MUC17: variants seen among roughly 807,000 people sequenced by gnomAD.
The protein encoded by MUC17 is mucin 17, cell surface associated.
In MUC17, 190 loss-of-function variants were observed where a neutral mutation model predicts 170.3. That is an observed-to-expected ratio of 1.12 (90% CI 0.99 to 1.26). MUC17 has a LOEUF of 1.26. Among genes scored for constraint, MUC17 ranks in the 50% most tolerant of loss-of-function variants. MUC17 has a pLI of 0.00. For synonymous variants in MUC17, 2,325 were observed against 2,002.5 expected, an observed-to-expected ratio of 1.16 and a Z score of -4.30; for missense variants, 6,415 against 5,530.0, an observed-to-expected ratio of 1.16 and a Z score of -5.08.
chr7:101,034,476 C>A lies in MUC17; in HGVS notation c.3060C>A (p.Ala1020=). 1 of 1,612,276 alleles carries A rather than the reference C, an allele frequency of 6.2e-7. No individual in the cohort carries two copies. The highest frequency in any genetic ancestry group is 8.5e-7 in the Non-Finnish European group (1 of 1,179,308). ...CTCCTTTGACCACTTCTACTGAAGC[C>A]AGTTCACCTCCTCCCACTGCTGAAG... ...SNTPLTTSTE[A]SSPPPTAEGT... The change falls in exon 3 of 13, where the codon GCC becomes GCA. Residue 1020 remains alanine (A), a synonymous_variant. Transcript: ENST00000306151.
rs768744520 is a variant in MUC17 at position 101,031,666 on chromosome 7, A to G, written c.250A>G (p.Ser84Gly). The change falls in exon 3 of 13, where the codon AGT becomes GGT. Residue 84 changes from serine to glycine, a missense_variant. By Grantham distance (56) the Ser-to-Gly change is moderately conservative. Transcript: ENST00000306151. ...TGTCGTGGAGCCAAGAATGTATTTG[A>G]GTTGCAGCACCAACCCTGAGATGAC... ...TNVVEPRMYL[S>G]CSTNPEMTSI... 6.3e-6 allele frequency: 10 copies of G among 1,582,558 alleles called. No individual in the cohort carries two copies. In the South Asian group the frequency reaches 1.2e-4, roughly 18 times the overall value.
chr7:101,023,750 A>G (rs1794134363), intron 1 of MUC17, among the ~76,000 whole-genome samples: 1 of 152,172 alleles, frequency 6.6e-6, no homozygotes, highest in African/African-American at 2.4e-5. Flanking sequence ...CAGTAGTGGG[A>G]TTGCAGGATC....
chr7:101,036,259 A>T lies in MUC17; in HGVS notation c.4843A>T (p.Thr1615Ser). The change falls in exon 3 of 13, where the codon ACC becomes TCC. Residue 1615 changes from threonine (T) to serine (S), a missense_variant. Transcript: ENST00000306151. Reference sequence around the variant, plus strand: ...TTCTACTGAAGCCAGTTCATCTACAACCGCTGAAGGTAGCAGCATGACAAT... The same window carrying T: ...TTCTACTGAAGCCAGTTCATCTACATCCGCTGAAGGTAGCAGCATGACAAT... ...TASTEASSST[T>S]AEGSSMTIST... 1 of 1,613,560 alleles carries T rather than the reference A, an allele frequency of 6.2e-7. No individual in the cohort carries two copies. The highest frequency in any genetic ancestry group is 8.5e-7 in the Non-Finnish European group (1 of 1,179,898).
In MUC17 at chr7:101,023,179, G is replaced by C. The variant is rs1584853922; in HGVS notation, c.82+2962G>C. ...TCCATCTTTACTTCATCTCGCTGTG[G>C]GTGTGTCTGTCTCTGTGTTGGGTTA... On this transcript the variant is annotated intron_variant, in intron 1 of 12. Transcript: ENST00000306151. Among the ~76,000 whole-genome samples, 4 of 152,062 alleles carry C rather than the reference G, an allele frequency of 2.6e-5. No individual in the cohort carries two copies. The East Asian group carries it at 5.8e-4, about 22-fold the overall frequency.
intron 11 of MUC17, among the ~76,000 whole-genome samples, chr7:101,054,247 G>T (rs1487036979): frequency 1.3e-5 from 2 of 152,070 alleles, no homozygotes; most frequent in African/African-American, 4.8e-5. Context: ...CTGAACCACT[G>T]GGGAGACACA....
In MUC17 at chr7:101,031,981, A is replaced by G; in HGVS notation, c.565A>G (p.Thr189Ala). 6.2e-7 allele frequency: 1 copy of G among 1,614,142 alleles called. No homozygotes were observed. The highest frequency in any genetic ancestry group is 8.5e-7 in the Non-Finnish European group (1 of 1,180,040). The change falls in exon 3 of 13, where the codon ACC (threonine) becomes GCC (alanine). Residue 189 changes from threonine (T) to alanine (A), a missense_variant. Transcript: ENST00000306151. Reference protein sequence around the residue: ...TYKVDMSTPLTTSTQASSSPT... With the variant: ...TYKVDMSTPLATSTQASSSPT... ...TAAGGTTGATATGAGCACACCTCTG[A>G]CCACTTCTACTCAGGCAAGTTCATC...
Position 101,033,390 on chromosome 7 carries a change from T to C in MUC17, c.1974T>C (p.Thr658=). The C allele has an allele frequency of 6.3e-7, 1 of 1,594,352 alleles. No homozygotes were observed. ...CAACAACTCCTGTTGACTCCAACAC[T>C]CCTGTGACCACTTCAACTGAAGCCA... is the stretch of plus-strand genomic sequence containing the variant. The part of the protein sequence containing the change: ...TLSTTPVDSN[T]PVTTSTEATS... Residue 658 remains threonine (T), a synonymous_variant, in exon 3 of 13, where the codon ACT becomes ACC. Coordinates refer to ENST00000306151, the MANE Select transcript of MUC17 (RefSeq NM_001040105.2).
In MUC17 at chr7:101,039,653, C is replaced by G; in HGVS notation, c.8237C>G (p.Pro2746Arg). The G allele has an allele frequency of 1.2e-6, 2 of 1,612,938 alleles. No homozygotes were observed. The highest frequency in any genetic ancestry group is 1.1e-5 in the South Asian group (1 of 91,022). ...AEGTSMRIST[P>R]SDGSTPLTSI... ...GGTACCAGCATGCGAATCTCAACTC[C>G]TAGTGATGGAAGTACTCCATTAACA... The change falls in exon 3 of 13, where the codon CCT becomes CGT. Residue 2746 changes from proline (P) to arginine (R), a missense_variant. Transcript: ENST00000306151.
At position 101,040,886 on chromosome 7, in the gene MUC17, C is replaced by T. The variant is rs747931537; in HGVS notation, c.9470C>T (p.Ser3157Leu). The change falls in exon 3 of 13, where the codon TCA (serine) becomes TTA (leucine). Residue 3157 changes from serine (S) to leucine (L), a missense_variant. By Grantham distance (145) the Ser-to-Leu change is moderately radical. Coordinates refer to ENST00000306151, the MANE Select transcript of MUC17 (RefSeq NM_001040105.2). ...TTSEGTSMPT[S>L]TPSEGSTPLT... ...TCTGAAGGTACCAGCATGCCAACCT[C>T]AACTCCTAGTGAAGGAAGTACTCCA... 5.6e-6 allele frequency: 9 copies of T among 1,613,764 alleles called. No individual in the cohort carries two copies. In the African/African-American group the frequency reaches 1.2e-4, roughly 22 times the overall value.
intron 2 of MUC17, 103 bp from the exon 3 acceptor site, chr7:101,031,498 T>C (rs1362784503): frequency 7.2e-6 from 9 of 1,257,520 alleles, no homozygotes; most frequent in East Asian, 5.0e-5. Flanking sequence ...ATGACATCCC[T>C]TATCTGAACA....
Position 101,038,571 on chromosome 7 carries a change from T to G in MUC17, c.7155T>G (p.Thr2385=), listed in dbSNP as rs781658097. The G allele has an allele frequency of 6.2e-7, 1 of 1,610,204 alleles. No homozygotes were observed. The highest frequency in any genetic ancestry group is 8.5e-7 in the Non-Finnish European group (1 of 1,178,818). Residue 2385 remains threonine, a synonymous_variant, in exon 3 of 13, where the codon ACT becomes ACG. Transcript: ENST00000306151. ...AGSSPTTADD[T]SMPTSTYSEG... ...CATCTCCTACAACTGCTGACGATAC[T>G]AGCATGCCAACCTCAACTTATAGTG... is the stretch of plus-strand genomic sequence containing the variant.
chr7:101,026,395 A>T (rs1451498102), intron 1 of MUC17, among the ~76,000 whole-genome samples: 2 of 151,718 alleles, frequency 1.3e-5, no homozygotes, highest in African/African-American at 4.8e-5. Flanking sequence ...TGGCCTTGTC[A>T]CTCCATCCCT....
Position 101,032,417 on chromosome 7 carries a change from C to T in MUC17, c.1001C>T (p.Thr334Ile), listed in dbSNP as rs761589035. 1.3e-5 allele frequency: 21 copies of T among 1,613,708 alleles called. No individual in the cohort carries two copies. Among genetic ancestry groups the T allele is most frequent in the South Asian group, 1.2e-4 (11 of 91,048 alleles). Residue 334 changes from threonine to isoleucine, a missense_variant, in exon 3 of 13, where the codon ACT becomes ATT. Thr to Ile is a moderately conservative substitution (Grantham distance 89). Coordinates refer to ENST00000306151, the MANE Select transcript of MUC17 (RefSeq NM_001040105.2). ...IPTSTYTEGS[T>I]PLTSTPASTM... Reference sequence around the variant, plus strand: ...ACCTCAACTTATACTGAAGGAAGCACTCCATTAACAAGTACGCCTGCCAGC... The same window carrying T: ...ACCTCAACTTATACTGAAGGAAGCATTCCATTAACAAGTACGCCTGCCAGC...
rs1584860477 is a variant in MUC17, at chr7:101,033,951, A to C, written c.2535A>C (p.Ser845=). 3 of 1,612,000 alleles carry C rather than the reference A, an allele frequency of 1.9e-6. No individual in the cohort carries two copies. Among genetic ancestry groups the C allele is most frequent in the Non-Finnish European group, 2.5e-6 (3 of 1,179,176 alleles). The change falls in exon 3 of 13, where the codon TCA becomes TCC. Residue 845 remains serine (S), a synonymous_variant. Coordinates refer to ENST00000306151, the MANE Select transcript of MUC17 (RefSeq NM_001040105.2). ...TGACCACTTCTACTGAAGTCAGTTC[A>C]TCTCCTACACCTGCTGAAGGTACCA... is the stretch of plus-strand genomic sequence containing the variant. ...SPVTTSTEVS[S]SPTPAEGTSM... is the part of the protein sequence containing the mutation.
At position 101,032,441 on chromosome 7, in the gene MUC17, G is replaced by A. The variant is rs1164758470; in HGVS notation, c.1025G>A (p.Ser342Asn). 1.2e-6 allele frequency: 2 copies of A among 1,613,822 alleles called. No homozygotes were observed. The highest frequency in any genetic ancestry group is 2.2e-5 in the East Asian group (1 of 44,878). ...ACTCCATTAACAAGTACGCCTGCCAGCACCATGCCGGTTGCCACTTCTGAA... is the reference window on the plus strand; with the variant it reads ...ACTCCATTAACAAGTACGCCTGCCAACACCATGCCGGTTGCCACTTCTGAA... Reference protein sequence around the residue: ...GSTPLTSTPASTMPVATSEMS... With the variant: ...GSTPLTSTPANTMPVATSEMS... The change falls in exon 3 of 13, where the codon AGC (serine) becomes AAC (asparagine). Residue 342 changes from serine to asparagine, a missense_variant. Coordinates refer to ENST00000306151, the MANE Select transcript of MUC17 (RefSeq NM_001040105.2).
At chr7:101,051,547 C>G in intron 7 of MUC17, 66 bp from the exon 8 acceptor site, 1 of 1,536,704 alleles carries the variant, frequency 6.5e-7, no homozygotes, top group South Asian at 1.2e-5. Context: ...ACACACGTCT[C>G]AGCTCCCTGA....
At position 101,032,664 on chromosome 7, in the gene MUC17, T is replaced by G. The variant is rs780971561; in HGVS notation, c.1248T>G (p.Ile416Met). ...ASSEASTTST[I>M]PVDSKTFVTT... ...CTGAGGCTAGCACCACTTCAACAAT[T>G]CCTGTTGACTCCAAAACTTTTGTGA... The change falls in exon 3 of 13, where the codon ATT (isoleucine) becomes ATG (methionine). Residue 416 changes from isoleucine (I) to methionine (M), a missense_variant. Physicochemically the swap from Ile to Met is conservative, Grantham distance 10. Transcript: ENST00000306151. The G allele has an allele frequency of 2.7e-5, 43 of 1,573,966 alleles. No homozygotes were observed. Among genetic ancestry groups the G allele is most frequent in the Non-Finnish European group, 3.5e-5 (40 of 1,152,998 alleles).
In MUC17 at chr7:101,039,682, A is replaced by G. The variant is rs1347452480; in HGVS notation, c.8266A>G (p.Ile2756Val). The stretch of plus-strand genomic sequence containing the variant: ...TGATGGAAGTACTCCATTAACAAGT[A>G]TACTTGTCAGCACCCTGCCAGTGGC... Reference protein sequence around the residue: ...PSDGSTPLTSILVSTLPVASS... With the variant: ...PSDGSTPLTSVLVSTLPVASS... Residue 2756 changes from isoleucine to valine, a missense_variant, in exon 3 of 13, where the codon ATA (isoleucine) becomes GTA (valine). Transcript: ENST00000306151. 22 of 1,613,248 alleles carry G rather than the reference A, an allele frequency of 1.4e-5. No individual in the cohort carries two copies. The highest frequency in any genetic ancestry group is 1.8e-5 in the Non-Finnish European group (21 of 1,179,696).
At chr7:101,024,043 G>T (rs1210524395) in intron 1 of MUC17, among the ~76,000 whole-genome samples, 2 of 152,142 alleles carry the variant, frequency 1.3e-5, no homozygotes, top group African/African-American at 4.8e-5. Context: ...CTTTTGAGAA[G>T]TGTCTGTTCA....
Sources: allele counts gnomAD v4.1 joint callset (sites outside exome capture counted in the v4.1 genomes callset), GRCh38; gene constraint gnomAD v4.1.1; transcripts MANE v1.5; gene names NCBI Gene and HGNC (gene_info 2026-07-23, HGNC 2026-07-21).